The following BTBD8 variants were observed in gnomAD, a reference collection of about 807,000 sequenced individuals.
BTBD8 encodes BTB domain containing 8.
BTBD8 carries 110 observed loss-of-function variants against 162.9 expected under a neutral mutation model. The observed-to-expected ratio is 0.68, with a 90% CI of 0.58 to 0.79. The LOEUF (loss-of-function observed/expected upper bound fraction) is 0.79, where lower values mean the gene tolerates loss of function less well. Among genes scored for constraint, BTBD8 ranks in the 30% least tolerant of loss-of-function variants. The pLI is 0.00. For synonymous variants in BTBD8, 667 were observed against 716.1 expected, an observed-to-expected ratio of 0.93 and a Z score of 1.10; for missense variants, 1,905 against 2,085.4, an observed-to-expected ratio of 0.91 and a Z score of 1.68.
At chr1:92,173,413 T>C (rs1166345337) in intron 13 of BTBD8, among the ~76,000 whole-genome samples, 2 of 152,178 alleles carry the variant, frequency 1.3e-5, no homozygotes, top group East Asian at 3.8e-4. Flanking sequence ...TAGGAAATGG[T>C]GCACTAGGAC....
intron 4 of BTBD8, chr1:92,115,127 C>G (rs1218026712): frequency 2.1e-6 from 1 of 483,386 alleles, no homozygotes; most frequent in Non-Finnish European, 4.1e-6. Flanking sequence ...CATTGAGCTT[C>G]CTGTTCGACT....
chr1:92,100,364 C>T (rs1031504781), intron 2 of BTBD8, among the ~76,000 whole-genome samples: 1 of 151,976 alleles, frequency 6.6e-6, no homozygotes, highest in African/African-American at 2.4e-5. Flanking sequence ...TCCTTCCTCT[C>T]CTGTGTTTTT....
rs1393503782 is a variant in BTBD8, at chr1:92,177,277, T to A, written c.2084T>A (p.Val695Glu). The A allele has an allele frequency of 1.1e-5, 17 of 1,551,914 alleles. No individual in the cohort carries two copies. In the East Asian group the frequency reaches 4.2e-4, roughly 38 times the overall value. Reference protein sequence around the residue: ...EGQISGARPKVLTGNLNVQAK... With the variant: ...EGQISGARPKELTGNLNVQAK... ...CAAATTTCAGGTGCCAGACCCAAGG[T>A]ACTCACAGGAAACTTAAATGTGCAA... Residue 695 changes from valine (V) to glutamate (E), a missense_variant, in exon 14 of 18, where the codon GTA becomes GAA. Transcript: ENST00000636805.
intron 2 of BTBD8, among the ~76,000 whole-genome samples, chr1:92,089,417 A>G (rs902814500): frequency 2.0e-5 from 3 of 152,188 alleles, no homozygotes; most frequent in African/African-American, 2.4e-5. Flanking sequence ...ACTTTAAAGT[A>G]TGTATATTTA....
chr1:92,116,400 A>G (rs960627217), intron 4 of BTBD8, among the ~76,000 whole-genome samples: 1 of 151,992 alleles, frequency 6.6e-6, no homozygotes, highest in African/African-American at 2.4e-5. Context: ...ATTTTTGTCT[A>G]CCTATCCTAT....
chr1:92,140,926 T>G (rs1362637690), intron 6 of BTBD8, among the ~76,000 whole-genome samples, 189 bp from the exon 7 acceptor site: 1 of 152,260 alleles, frequency 6.6e-6, no homozygotes, highest in Non-Finnish European at 1.5e-5. Flanking sequence ...GTGTCAGTGC[T>G]TTCAACTTTT....
intron 4 of BTBD8, among the ~76,000 whole-genome samples, chr1:92,123,862 T>C (rs1162479224): frequency 6.6e-6 from 1 of 151,974 alleles, no homozygotes; most frequent in Non-Finnish European, 1.5e-5. Context: ...TTCCTTTTGC[T>C]TTTGTCTGGC....
chr1:92,131,653 G>A (rs1649518609), intron 5 of BTBD8, among the ~76,000 whole-genome samples: 2 of 151,730 alleles, frequency 1.3e-5, no homozygotes, highest in African/African-American at 4.9e-5. Context: ...GAACTGGGGA[G>A]GCAGAGGTTG....
chr1:92,113,063 C>A lies in BTBD8; in HGVS notation c.662+5062C>A, dbSNP rs1240888327. On this transcript the variant is annotated intron_variant, in intron 4 of 17. Transcript: ENST00000636805. Reference sequence around the variant, plus strand: ...GGAAATTAGGGCATCTTGATAGAGCCAGAAGCAGCATTAACAGTTGAAATT... The same window carrying A: ...GGAAATTAGGGCATCTTGATAGAGCAAGAAGCAGCATTAACAGTTGAAATT... 7.2e-5 allele frequency among the ~76,000 whole-genome samples: 11 copies of A among 152,104 alleles called. No individual in the cohort carries two copies. In the East Asian group the frequency reaches 2.1e-3, roughly 29 times the overall value.
intron 9 of BTBD8, among the ~76,000 whole-genome samples, chr1:92,158,114 C>A (rs917732147): frequency 6.6e-6 from 1 of 152,054 alleles, no homozygotes; most frequent in Non-Finnish European, 1.5e-5. Context: ...TCACTTCCAG[C>A]CTAAATGTGT....
chr1:92,176,332 TG>T, intron 13 of BTBD8, among the ~76,000 whole-genome samples: 1 of 152,278 alleles, frequency 6.6e-6, no homozygotes, highest in South Asian at 2.1e-4. Context: ...GCCTGAGACC[TG>T]GGGTAAATCA....
Position 92,181,022 on chromosome 1 carries a change from A to G in BTBD8, c.3339A>G (p.Thr1113=). ...NSNPVCDLDS[T]SAGQIHLISD... ...ATCCAGTTTGTGATTTAGACTCAAC[A>G]AGTGCAGGGCAAATCCATTTGATAT... is the stretch of plus-strand genomic sequence containing the variant. The change falls in exon 17 of 18, where the codon ACA becomes ACG. Residue 1113 remains threonine (T), a synonymous_variant. Coordinates refer to ENST00000636805, the MANE Select transcript of BTBD8 (RefSeq NM_001376131.1). The G allele has an allele frequency of 1.3e-6, 2 of 1,551,880 alleles. No individual in the cohort carries two copies. Among genetic ancestry groups the G allele is most frequent in the Non-Finnish European group, 1.7e-6 (2 of 1,147,034 alleles).
Position 92,177,103 on chromosome 1 carries a change from T to C in BTBD8, c.1910T>C (p.Val637Ala), listed in dbSNP as rs1650738520. 1.3e-6 allele frequency: 2 copies of C among 1,551,492 alleles called. No homozygotes were observed. Among genetic ancestry groups the C allele is most frequent in the South Asian group, 1.2e-5 (1 of 84,066 alleles). ...AATGTTTCTGGAAAGCCCAAAACTG[T>C]AACAAAATCCAAAACAGAAAATGGT... is the stretch of plus-strand genomic sequence containing the variant. Reference protein sequence around the residue: ...GKNVSGKPKTVTKSKTENGDK... With the variant: ...GKNVSGKPKTATKSKTENGDK... The change falls in exon 14 of 18, where the codon GTA (valine) becomes GCA (alanine). Residue 637 changes from valine (V) to alanine (A), a missense_variant. By Grantham distance (64) the Val-to-Ala change is moderately conservative (BLOSUM62 0). Coordinates refer to ENST00000636805, the MANE Select transcript of BTBD8 (RefSeq NM_001376131.1).
chr1:92,150,467 AT>A (rs1650019756), intron 9 of BTBD8: 1 of 152,252 alleles, frequency 6.6e-6, no homozygotes, highest in Non-Finnish European at 1.5e-5. Flanking sequence ...GCAATCACAA[AT>A]GTGGCAGGTT....
intron 16 of BTBD8, among the ~76,000 whole-genome samples, chr1:92,178,997 G>A (rs1650805491): frequency 6.6e-6 from 1 of 152,158 alleles, no homozygotes; most frequent in African/African-American, 2.4e-5. Context: ...TGTAATCCAA[G>A]CACTTTGGGA....
At chr1:92,124,435 T>A (rs931244238) in intron 4 of BTBD8, among the ~76,000 whole-genome samples, 1 of 152,238 alleles carries the variant, frequency 6.6e-6, no homozygotes, top group African/African-American at 2.4e-5. Context: ...CATTTACTGC[T>A]GTACTCCCAG....
At chr1:92,154,875 T>C (rs1287178473) in intron 9 of BTBD8, among the ~76,000 whole-genome samples, 3 of 152,238 alleles carry the variant, frequency 2.0e-5, no homozygotes, top group African/African-American at 7.2e-5. Context: ...AGCTTTCTTC[T>C]AGGAGTTTTA....
At chr1:92,134,462 T>G (rs12073274) in intron 5 of BTBD8, among the ~76,000 whole-genome samples, 5,401 of 152,264 alleles carry the variant, frequency 0.035, 353 homozygotes, top group African/African-American at 0.12. Context: ...CATCAGGGCC[T>G]TTGTTTTTTT....
intron 7 of BTBD8, among the ~76,000 whole-genome samples, chr1:92,144,598 A>G (rs1372698512): frequency 6.6e-6 from 1 of 151,782 alleles, no homozygotes; most frequent in Non-Finnish European, 1.5e-5. Context: ...GCTTGAGCCC[A>G]AGAGTTTATA....
Sources: allele counts gnomAD v4.1 joint callset (sites outside exome capture counted in the v4.1 genomes callset), GRCh38; gene constraint gnomAD v4.1.1; transcripts MANE v1.5; gene names NCBI Gene and HGNC (gene_info 2026-07-23, HGNC 2026-07-21).